The following KCNU1 variants were observed in gnomAD, a reference collection of about 807,000 sequenced individuals.
The protein encoded by KCNU1 is potassium channel subfamily U member 1.
Under a neutral mutation model 126.8 loss-of-function variants are expected in KCNU1, and 93 were observed. The observed-to-expected ratio is 0.73, with a 90% CI of 0.62 to 0.87. The LOEUF (loss-of-function observed/expected upper bound fraction) is 0.87. Among genes scored for constraint, KCNU1 ranks in the 40% least tolerant of loss-of-function variants. The pLI is 0.00. For missense variants in KCNU1, 1,330 were observed against 1,367.1 expected, an observed-to-expected ratio of 0.97 and a Z score of 0.43; for synonymous variants, 523 against 494.2, an observed-to-expected ratio of 1.06 and a Z score of -0.77.
intron 22 of KCNU1, 116 bp downstream of exon 22, chr8:36,911,235 T>C (rs1807862729): frequency 1.3e-6 from 1 of 753,878 alleles, no homozygotes; most frequent in East Asian, 2.8e-5. Context: ...AGATGTCCTC[T>C]GAGGTCCCTT....
At chr8:36,935,392 C>T (rs1808820544) in intron 26 of KCNU1, 123 bp from the exon 27 acceptor site, 2 of 727,844 alleles carry the variant, frequency 2.7e-6, no homozygotes, top group Non-Finnish European at 4.7e-6. Context: ...ACCCATGAAG[C>T]AAAACAAAAC....
chr8:36,934,001 C>G (rs748207479), intron 26 of KCNU1, among the ~76,000 whole-genome samples: 5 of 152,138 alleles, frequency 3.3e-5, no homozygotes, highest in Non-Finnish European at 7.4e-5. Context: ...TGAAGCAATC[C>G]TGGACCATAC....
chr8:36,843,462 G>A (rs1459041442), intron 16 of KCNU1, among the ~76,000 whole-genome samples: 1 of 152,230 alleles, frequency 6.6e-6, no homozygotes, highest in Middle Eastern at 3.2e-3. Flanking sequence ...CCTCACAACA[G>A]TGCTGTGAGA....
In KCNU1 at chr8:36,931,079, G is replaced by C. The variant is rs190224798; in HGVS notation, c.2865G>C (p.Leu955Phe). The C allele has an allele frequency of 2.3e-3, 3,658 of 1,611,874 alleles. 5 individuals carry two copies. The highest frequency in any genetic ancestry group is 2.9e-3 in the Non-Finnish European group (3,412 of 1,178,826). Residue 955 changes from leucine to phenylalanine, a missense_variant, in exon 25 of 27, where the codon TTG becomes TTC. By Grantham distance (22) the Leu-to-Phe change is conservative. Transcript: ENST00000399881. ...YGVADSCTSL[L>F]SGRNRCKLGL... ...TGGCAGATAGCTGCACGTCGCTCTT[G>C]TCTGGAAGAAACCGGTGTAAGCTGG...
chr8:36,838,345 A>G (rs1804829259), intron 14 of KCNU1, among the ~76,000 whole-genome samples: 1 of 152,216 alleles, frequency 6.6e-6, no homozygotes, highest in Non-Finnish European at 1.5e-5. Context: ...ATCCTCCTTC[A>G]TGAAACTATA....
At chr8:36,879,890 C>T (rs910169182) in intron 19 of KCNU1, among the ~76,000 whole-genome samples, 1 of 152,176 alleles carries the variant, frequency 6.6e-6, no homozygotes, top group Non-Finnish European at 1.5e-5. Flanking sequence ...GGCTTGGAAA[C>T]TTAGATGTTA....
chr8:36,842,211 A>G (rs1444062871), intron 16 of KCNU1, among the ~76,000 whole-genome samples: 1 of 152,232 alleles, frequency 6.6e-6, no homozygotes, highest in African/African-American at 2.4e-5. Context: ...TCTAAAATTG[A>G]CATTACCAGA....
chr8:36,926,008 G>A (rs562266592), intron 24 of KCNU1, among the ~76,000 whole-genome samples: 1 of 152,050 alleles, frequency 6.6e-6, no homozygotes, highest in South Asian at 2.1e-4. Context: ...TTCCTACATA[G>A]ATCTCTAGGC....
intron 19 of KCNU1, among the ~76,000 whole-genome samples, chr8:36,891,663 T>C (rs1806967921): frequency 6.6e-6 from 1 of 152,138 alleles, no homozygotes; most frequent in African/African-American, 2.4e-5. Context: ...ACAACAATTC[T>C]GGCCATTTTT....
chr8:36,910,122 T>C (rs552488480), intron 21 of KCNU1, among the ~76,000 whole-genome samples: 2 of 152,110 alleles, frequency 1.3e-5, no homozygotes, highest in Non-Finnish European at 2.9e-5. Flanking sequence ...GAGGAGTCCA[T>C]TATGTACACT....
At chr8:36,826,994 G>A in intron 10 of KCNU1, among the ~76,000 whole-genome samples, 1 of 151,964 alleles carries the variant, frequency 6.6e-6, no homozygotes, top group East Asian at 1.9e-4. Flanking sequence ...GATTTTACTG[G>A]CTGTGGCTTC....
chr8:36,796,362 G>A (rs1310419546), intron 2 of KCNU1, among the ~76,000 whole-genome samples: 2 of 152,076 alleles, frequency 1.3e-5, no homozygotes, highest in Non-Finnish European at 2.9e-5. Context: ...TTGAAAGACT[G>A]TCTATTTGAT....
At chr8:36,879,234 TATATACACACAC>T (rs1460264121) in intron 19 of KCNU1, among the ~76,000 whole-genome samples, 4 of 143,632 alleles carry the variant, frequency 2.8e-5, no homozygotes, top group Admixed American at 2.1e-4. Context: ...TATATATATA[TATATACACACAC>T]ATATATGAAA....
In KCNU1 at chr8:36,834,795, G is replaced by A; in HGVS notation, c.1222G>A (p.Ala408Thr). 1 of 1,608,952 alleles carries A rather than the reference G, an allele frequency of 6.2e-7. No homozygotes were observed. The highest frequency in any genetic ancestry group is 8.5e-7 in the Non-Finnish European group (1 of 1,176,180). ...CGATCTTGAAGGGTAGGTGGAATCTGCAGAGGCATGCCTGATTATAGCCAA... is the reference window on the plus strand; with the variant it reads ...CGATCTTGAAGGGTAGGTGGAATCTACAGAGGCATGCCTGATTATAGCCAA... ...EDLRRVAVES[A>T]EACLIIANPL... is the part of the protein sequence containing the mutation. Residue 408 changes from alanine to threonine, a missense_variant, in exon 12 of 27, where the codon GCA becomes ACA. Around this residue, in one of 3 missense-constraint regions of KCNU1, gnomAD observed 1,054 missense variants for 1,053.9 expected, o/e 1.00. Coordinates refer to ENST00000399881, the MANE Select transcript of KCNU1 (RefSeq NM_001031836.3).
chr8:36,791,697 T>G lies in KCNU1; in HGVS notation c.315+4272T>G, dbSNP rs1005535189. ...AATATTTCAAAAACGGTGCCTGGAA[T>G]GACTAAATTACTTATTTTGCTGTTT... On this transcript the variant is annotated intron_variant, in intron 2 of 26. Transcript: ENST00000399881. Among the ~76,000 whole-genome samples, 3 of 152,170 alleles carry G rather than the reference T, an allele frequency of 2.0e-5. No homozygotes were observed. In the South Asian group the frequency reaches 6.2e-4, roughly 32 times the overall value.
intron 14 of KCNU1, among the ~76,000 whole-genome samples, chr8:36,839,466 G>A (rs1028572951): frequency 1.3e-5 from 2 of 152,242 alleles, no homozygotes; most frequent in South Asian, 2.1e-4. Context: ...ATCAGAGCCC[G>A]CCTCATGAGA....
intron 2 of KCNU1, among the ~76,000 whole-genome samples, chr8:36,799,794 G>T (rs1803238894): frequency 6.6e-6 from 1 of 151,824 alleles, no homozygotes; most frequent in South Asian, 2.1e-4. Context: ...TCCTGCCTCG[G>T]CCTCCCAAAT....
At chr8:36,907,381 T>A (rs980251643) in intron 20 of KCNU1, among the ~76,000 whole-genome samples, 3 of 152,204 alleles carry the variant, frequency 2.0e-5, no homozygotes, top group Non-Finnish European at 2.9e-5. Flanking sequence ...CACTTGGCCA[T>A]GTATCTTGTT....
At chr8:36,913,253 G>C (rs1188983892) in intron 22 of KCNU1, among the ~76,000 whole-genome samples, 1 of 152,024 alleles carries the variant, frequency 6.6e-6, no homozygotes, top group Non-Finnish European at 1.5e-5. Context: ...TTACAGGCAA[G>C]AAGTTTGCCC....
Sources: allele counts gnomAD v4.1 joint callset (sites outside exome capture counted in the v4.1 genomes callset), GRCh38; gene constraint gnomAD v4.1.1; regional missense constraint gnomAD v4.1.1; transcripts MANE v1.5; gene names NCBI Gene and HGNC (gene_info 2026-07-23, HGNC 2026-07-21).